Variants in KPNA3 observed in about 807,000 individuals in gnomAD.
The protein encoded by KPNA3 is karyopherin subunit alpha 3, also known as importin subunit alpha-4.
KPNA3 carries 13 observed loss-of-function variants against 73.8 expected under a neutral mutation model. The ratio of observed to expected loss-of-function variants is 0.18; its 90% CI spans 0.11 to 0.28. The LOEUF is 0.28. KPNA3 is among the 10% of genes least tolerant of loss of function. The pLI is 1.00. For missense variants in KPNA3, 360 were observed against 618.1 expected, an observed-to-expected ratio of 0.58 and a Z score of 4.43; for synonymous variants, 186 against 206.9, an observed-to-expected ratio of 0.90 and a Z score of 0.87.
At chr13:49,703,639 G>A (rs1388472552) in intron 15 of KPNA3, among the ~76,000 whole-genome samples, 1 of 152,064 alleles carries the variant, frequency 6.6e-6, no homozygotes, top group Non-Finnish European at 1.5e-5. Context: ...TTTAAAAAAT[G>A]AATAGAGGTC....
intron 1 of KPNA3, among the ~76,000 whole-genome samples, chr13:49,747,843 A>C (rs1293335837): frequency 3.3e-5 from 5 of 152,128 alleles, no homozygotes; most frequent in Non-Finnish European, 7.4e-5. Context: ...CCTAGGACCC[A>C]TTTCCCTGCC....
intron 1 of KPNA3, among the ~76,000 whole-genome samples, chr13:49,788,320 A>G (rs1955001602): frequency 1.3e-5 from 2 of 152,254 alleles, no homozygotes; most frequent in Non-Finnish European, 2.9e-5. Context: ...GTAATTATTC[A>G]TTAAACAGAA....
chr13:49,727,627 T>A (rs890270562), intron 6 of KPNA3, among the ~76,000 whole-genome samples: 16 of 152,172 alleles, frequency 1.1e-4, no homozygotes, highest in African/African-American at 3.9e-4. Context: ...AAAAAACTCA[T>A]TAAAAATGTG....
At chr13:49,709,440 G>T in intron 12 of KPNA3, 132 bp downstream of exon 12, 2 of 674,652 alleles carry the variant, frequency 3.0e-6, no homozygotes, top group Non-Finnish European at 4.6e-6. Context: ...ATTTGCAGAG[G>T]TGATTTAAAA....
At chr13:49,711,535 G>A (rs1490934869) in intron 10 of KPNA3, among the ~76,000 whole-genome samples, 2 of 152,154 alleles carry the variant, frequency 1.3e-5, no homozygotes, top group African/African-American at 4.8e-5. Flanking sequence ...TTCATCTGGG[G>A]AAAAAACTGT....
chr13:49,759,949 CA>C (rs1416851186), intron 1 of KPNA3, among the ~76,000 whole-genome samples: 2 of 152,112 alleles, frequency 1.3e-5, no homozygotes, highest in Non-Finnish European at 2.9e-5. Flanking sequence ...GTGATGTCAA[CA>C]TAACAGAAAG....
intron 10 of KPNA3, among the ~76,000 whole-genome samples, chr13:49,716,539 A>C (rs9596176): frequency 0.12 from 18,093 of 151,880 alleles, 2,162 homozygotes; most frequent in East Asian, 0.58. Context: ...CCCCGACTCA[A>C]GCGATTCTCC....
intron 1 of KPNA3, among the ~76,000 whole-genome samples, chr13:49,757,745 C>CTA (rs1954723694): frequency 6.6e-6 from 1 of 152,120 alleles, no homozygotes; most frequent in African/African-American, 2.4e-5. Context: ...CAGCTTTATT[C>CTA]TTAATAGCTA....
chr13:49,781,694 A>T (rs573285470), intron 1 of KPNA3, among the ~76,000 whole-genome samples: 69 of 152,154 alleles, frequency 4.5e-4, no homozygotes, highest in Non-Finnish European at 6.8e-4. Context: ...TTATGCCCAA[A>T]CTGTTTCAAT....
chr13:49,712,496 GAA>G (rs11325182), intron 10 of KPNA3, among the ~76,000 whole-genome samples: 3 of 139,288 alleles, frequency 2.2e-5, no homozygotes, highest in Admixed American at 7.1e-5. Flanking sequence ...CTGAATAACA[GAA>G]AAAAAAAAAG....
chr13:49,748,940 T>C (rs899056900), intron 1 of KPNA3, among the ~76,000 whole-genome samples: 7 of 152,200 alleles, frequency 4.6e-5, no homozygotes, highest in African/African-American at 1.4e-4. Context: ...CTATAAGCTA[T>C]CTTTATTCAC....
chr13:49,781,429 T>C (rs964134181), intron 1 of KPNA3, among the ~76,000 whole-genome samples: 1 of 152,200 alleles, frequency 6.6e-6, no homozygotes, highest in Non-Finnish European at 1.5e-5. Flanking sequence ...GAAGAACTCA[T>C]TTTCTTCCTC....
chr13:49,711,384 G>A (rs1458937420), intron 10 of KPNA3, among the ~76,000 whole-genome samples: 1 of 152,172 alleles, frequency 6.6e-6, no homozygotes, highest in East Asian at 1.9e-4. Context: ...CAAGAATGAG[G>A]CCAACACACC....
chr13:49,773,336 G>A (rs750146372), intron 1 of KPNA3, among the ~76,000 whole-genome samples: 1 of 152,168 alleles, frequency 6.6e-6, no homozygotes, highest in Non-Finnish European at 1.5e-5. Flanking sequence ...GCTAAATACT[G>A]ATGTGTATTA....
chr13:49,742,936 TA>T (rs1268938779), intron 2 of KPNA3, among the ~76,000 whole-genome samples: 1 of 152,150 alleles, frequency 6.6e-6, no homozygotes, highest in East Asian at 1.9e-4. Context: ...AGATCATAAT[TA>T]AATTTAATTC....
chr13:49,739,283 A>G (rs1022760362), intron 2 of KPNA3, among the ~76,000 whole-genome samples: 1 of 152,212 alleles, frequency 6.6e-6, no homozygotes, highest in Non-Finnish European at 1.5e-5. Flanking sequence ...TAATGTGCCA[A>G]AAGTTGAAAA....
intron 10 of KPNA3, among the ~76,000 whole-genome samples, chr13:49,719,394 C>T (rs1351144301): frequency 2.6e-5 from 4 of 152,020 alleles, no homozygotes; most frequent in Non-Finnish European, 5.9e-5. Context: ...TCTGAGAGTC[C>T]GTTTCTTCTT....
chr13:49,719,750 A>C (rs565496760), intron 10 of KPNA3, 25 bp downstream of exon 10: 1 of 1,565,086 alleles, frequency 6.4e-7, no homozygotes, highest in Admixed American at 1.7e-5. Context: ...GCAAAATCCC[A>C]CATTTAAGCT....
At chr13:49,766,059 A>G (rs1954805437) in intron 1 of KPNA3, among the ~76,000 whole-genome samples, 1 of 152,230 alleles carries the variant, frequency 6.6e-6, no homozygotes, top group African/African-American at 2.4e-5. Flanking sequence ...CCTTATCTGT[A>G]GATAACAGCA....
Sources: allele counts gnomAD v4.1 joint callset (sites outside exome capture counted in the v4.1 genomes callset), GRCh38; gene constraint gnomAD v4.1.1; transcripts MANE v1.5; gene names NCBI Gene and HGNC (gene_info 2026-07-23, HGNC 2026-07-21).